Variants in BTAF1 observed in about 807,000 individuals in gnomAD.
The protein encoded by BTAF1 is TATA-binding protein-associated factor 172.
A neutral mutation model predicts 227.1 loss-of-function variants in BTAF1; 38 were observed. The observed-to-expected ratio is 0.17, with a 90% CI of 0.13 to 0.22. BTAF1 has a LOEUF of 0.22. Ranked by LOEUF, BTAF1 falls within the 10% of genes least tolerant of loss-of-function variation. The probability of loss-of-function intolerance (pLI) is 1.00; values close to 1 mark genes in which losing one functional copy is unlikely to be tolerated. For missense variants in BTAF1, 1,598 were observed against 2,204.0 expected (o/e 0.73, Z 5.51); for synonymous variants, 742 against 751.9 (o/e 0.99, Z 0.21).
At chr10:91,932,306 G>A (rs1354757572) in intron 1 of BTAF1, among the ~76,000 whole-genome samples, 1 of 152,140 alleles carries the variant, frequency 6.6e-6, no homozygotes, top group African/African-American at 2.4e-5. Flanking sequence ...CTGAAGTACT[G>A]CTGTGCTGAT....
At chr10:91,926,831 T>A (rs1408275478) in intron 1 of BTAF1, among the ~76,000 whole-genome samples, 1 of 152,248 alleles carries the variant, frequency 6.6e-6, no homozygotes, top group African/African-American at 2.4e-5. Flanking sequence ...TATTTACTGA[T>A]TTGAAGATTT....
chr10:92,018,391 A>T (rs1050965925), intron 33 of BTAF1, among the ~76,000 whole-genome samples: 18 of 152,114 alleles, frequency 1.2e-4, no homozygotes, highest in African/African-American at 4.3e-4. Context: ...AGAAATTTTT[A>T]CACTCACTGA....
At chr10:92,015,610 G>T (rs937997148) in intron 32 of BTAF1, among the ~76,000 whole-genome samples, 36 of 151,016 alleles carry the variant, frequency 2.4e-4, no homozygotes, top group African/African-American at 8.4e-4. Context: ...ATAAGGAAAA[G>T]ATGTCATGTG....
intron 25 of BTAF1, among the ~76,000 whole-genome samples, chr10:92,001,666 T>A (rs1170726123): frequency 2.0e-5 from 3 of 152,028 alleles, no homozygotes; most frequent in South Asian, 2.1e-4. Context: ...AGGAATAATT[T>A]AAAAAAAATA....
Position 92,008,269 on chromosome 10 carries a change from T to C in BTAF1, c.3807T>C (p.Tyr1269=), listed in dbSNP as rs1466718553. ...PVPINAELRK[Y]QQDGVNWLAF... is the part of the protein sequence containing the mutation. Reference sequence around the variant, plus strand: ...CAATCAATGCTGAACTCAGAAAATATCAGCAGGTAAGTTTTATACAATAGT... The same window carrying C: ...CAATCAATGCTGAACTCAGAAAATACCAGCAGGTAAGTTTTATACAATAGT... Residue 1269 remains tyrosine, a synonymous_variant, in exon 26 of 38, where the codon TAT becomes TAC. Transcript: ENST00000265990. 2 of 1,574,774 alleles carry C rather than the reference T, an allele frequency of 1.3e-6. No homozygotes were observed. The highest frequency in any genetic ancestry group is 2.4e-5 in the South Asian group (2 of 83,948).
At chr10:91,996,694 T>C (rs900798576) in intron 24 of BTAF1, 124 bp downstream of exon 24, 1 of 826,558 alleles carries the variant, frequency 1.2e-6, no homozygotes, top group African/African-American at 1.7e-5. Flanking sequence ...AAAATACCTA[T>C]TCTTTTTACA....
At chr10:91,971,018 C>T (rs190125333) in intron 14 of BTAF1, among the ~76,000 whole-genome samples, 2 of 152,320 alleles carry the variant, frequency 1.3e-5, no homozygotes, top group East Asian at 1.9e-4. Context: ...CTTTTCTAGT[C>T]TGTTCCCTTT....
rs1301820958 is a variant in BTAF1 at position 91,962,633 on chromosome 10, A to T, written c.1359A>T (p.Ser453=). ...DDDVRAVAAA[S]LVPVVESLVY... is the part of the protein sequence containing the mutation. Reference sequence around the variant, plus strand: ...ATGTCAGAGCTGTTGCTGCAGCATCATTAGTGCCTGTAGTAGAAAGCCTTG... The same window carrying T: ...ATGTCAGAGCTGTTGCTGCAGCATCTTTAGTGCCTGTAGTAGAAAGCCTTG... The change falls in exon 12 of 38, where the codon TCA becomes TCT. Residue 453 remains serine (S), a synonymous_variant. Transcript: ENST00000265990. 6.2e-7 allele frequency: 1 copy of T among 1,610,956 alleles called. No individual in the cohort carries two copies. Among genetic ancestry groups the T allele is most frequent in the African/African-American group, 1.3e-5 (1 of 74,824 alleles).
At chr10:91,982,905 G>A (rs541391217) in intron 18 of BTAF1, 144 bp downstream of exon 18, 2 of 889,544 alleles carry the variant, frequency 2.2e-6, no homozygotes, top group East Asian at 5.4e-5. Flanking sequence ...TTATATTGAA[G>A]ATTATTTCTC....
rs1378795319 is a variant in BTAF1, at chr10:92,008,127, G to A, written c.3665G>A (p.Gly1222Asp). Residue 1222 changes from glycine (G) to aspartate (D), a missense_variant, in exon 26 of 38, where the codon GGC becomes GAC. Physicochemically the swap from Gly to Asp is moderately conservative, Grantham distance 94 (BLOSUM62 -1). Transcript: ENST00000265990. The part of the protein sequence containing the change: ...TLIRLMPLEA[G>D]IPDPPNMSAE... Reference sequence around the variant, plus strand: ...ACTTTAAAAAAATCATTTTAGGCAGGCATTCCAGACCCTCCAAACATGTCA... The same window carrying A: ...ACTTTAAAAAAATCATTTTAGGCAGACATTCCAGACCCTCCAAACATGTCA... The A allele has an allele frequency of 1.9e-6, 3 of 1,568,168 alleles. No homozygotes were observed. The highest frequency in any genetic ancestry group is 1.2e-5 in the South Asian group (1 of 81,764).
rs1286684029 is a variant in BTAF1 at position 91,991,795 on chromosome 10, GTGTATATATATATATATATATA to G, written c.2855-322_2855-301del. On this transcript the variant is annotated intron_variant, in intron 20 of 37. Transcript: ENST00000265990. ...TATATATGTGTGTGTGTGTGTGTGT[GTGTATATATATATATATATATA>G]TATATATATATATATACACACATAT... Among the ~76,000 whole-genome samples, 12 of 5,640 alleles carry G rather than the reference GTGTATATATATATATATATATA, an allele frequency of 2.1e-3. 1 individual carries two copies. The highest frequency in any genetic ancestry group is 3.0e-3 in the African/African-American group (12 of 4,042). 3.7% of individuals were successfully genotyped at this position (5,640 alleles called of 152,430 possible).
chr10:91,933,777 T>C (rs1844419431), intron 1 of BTAF1, among the ~76,000 whole-genome samples: 1 of 152,226 alleles, frequency 6.6e-6, no homozygotes, highest in African/African-American at 2.4e-5. Flanking sequence ...TTCAAGATGC[T>C]TGGCAGTTAA....
In BTAF1 at chr10:91,966,849, A is replaced by C. The variant is rs956804499; in HGVS notation, c.1650+92A>C. 3.8e-5 allele frequency: 47 copies of C among 1,245,934 alleles called. 1 individual carries two copies. In the South Asian group the frequency reaches 7.6e-4, roughly 20 times the overall value. 77.2% of individuals were successfully genotyped at this position (1,245,934 alleles called of 1,614,324 possible). On this transcript the variant is annotated intron_variant, in intron 14 of 37. Transcript: ENST00000265990. ...TTTAGCTTACCCTTGCTGTATATCC[A>C]AAGATCAGGACAATGTTGGGCCTAG...
chr10:92,007,701 C>T (rs1370463292), intron 25 of BTAF1, among the ~76,000 whole-genome samples: 1 of 152,156 alleles, frequency 6.6e-6, no homozygotes, highest in Non-Finnish European at 1.5e-5. Flanking sequence ...TGATTAAAAG[C>T]AAATAATGTT....
At chr10:91,946,400 G>A (rs1845368281) in intron 4 of BTAF1, among the ~76,000 whole-genome samples, 2 of 152,252 alleles carry the variant, frequency 1.3e-5, no homozygotes, top group East Asian at 3.9e-4. Context: ...AAAAATTCAT[G>A]TACAAGTTTT....
chr10:91,993,495 A>G (rs1848939857), intron 21 of BTAF1, among the ~76,000 whole-genome samples, 199 bp from the exon 22 acceptor site: 1 of 152,208 alleles, frequency 6.6e-6, no homozygotes, highest in Non-Finnish European at 1.5e-5. Flanking sequence ...ACAAAAATCT[A>G]GTTAGGTGTT....
chr10:91,978,814 G>GTTTTTTTTTTTTTTTTTTTTTTTTTTTTT (rs145477284), intron 14 of BTAF1, among the ~76,000 whole-genome samples: 1 of 89,866 alleles, frequency 1.1e-5, no homozygotes, highest in African/African-American at 4.5e-5. Context: ...TTTATGGCTT[G>GTTTTTTTTTTTTTTTTTTTTTTTTTTTTT]TTTTTTTTTT....
intron 5 of BTAF1, among the ~76,000 whole-genome samples, chr10:91,952,840 A>G (rs1052890255): frequency 2.0e-5 from 3 of 152,320 alleles, no homozygotes; most frequent in South Asian, 4.1e-4. Context: ...AAAGAGGATA[A>G]TAGAATAAAA....
intron 25 of BTAF1, among the ~76,000 whole-genome samples, chr10:91,999,117 A>G (rs1589924073): frequency 6.6e-6 from 1 of 151,598 alleles, no homozygotes; most frequent in African/African-American, 2.4e-5. Context: ...TGCATTTATA[A>G]GTCTTTGCGT....
Sources: gnomAD v4.1 joint callset for allele counts (sites outside exome capture counted in the v4.1 genomes callset) on GRCh38, gnomAD v4.1.1 for gene constraint, MANE v1.5 for transcripts, NCBI Gene and HGNC (gene_info 2026-07-23, HGNC 2026-07-21) for gene names.